Variants in SRD5A2 observed in about 807,000 individuals in gnomAD.
SRD5A2 encodes steroid 5 alpha-reductase 2, also known as 3-oxo-5-alpha-steroid 4-dehydrogenase 2.
In SRD5A2, 30 loss-of-function variants were observed where a neutral mutation model predicts 27.4. The observed-to-expected ratio is 1.10, with a 90% confidence interval of 0.82 to 1.49. SRD5A2 has a LOEUF of 1.49. SRD5A2 is among the 40% of genes most tolerant of loss of function. The pLI, the probability that SRD5A2 is intolerant of heterozygous loss-of-function variation, is 0.00. For missense variants in SRD5A2, 348 were observed against 323.4 expected (o/e 1.08, Z -0.58); for synonymous variants, 141 against 133.6 (o/e 1.06, Z -0.38).
chr2:31,598,250 G>A, the SRD5A2 span, among the ~76,000 whole-genome samples: 1 of 152,036 alleles, frequency 6.6e-6, no homozygotes, highest in Admixed American at 6.6e-5. Flanking sequence ...TAAGCTATAA[G>A]AATGCAAAGG....
upstream of SRD5A2, among the ~76,000 whole-genome samples, chr2:31,582,356 T>C (rs1361443244): frequency 6.6e-6 from 1 of 152,232 alleles, no homozygotes; most frequent in East Asian, 1.9e-4. Context: ...ACATGGTATA[T>C]GGTGATGCTT....
chr2:31,582,370 C>T (rs1667098369), upstream of SRD5A2, among the ~76,000 whole-genome samples: 1 of 152,174 alleles, frequency 6.6e-6, no homozygotes, highest in Non-Finnish European at 1.5e-5. Context: ...GATGCTTTAG[C>T]ACTACAGGGC....
intron 1 of SRD5A2, among the ~76,000 whole-genome samples, chr2:31,562,344 G>A (rs1666642027): frequency 6.6e-6 from 1 of 151,950 alleles, no homozygotes; most frequent in Admixed American, 6.6e-5. Context: ...GGGTAAAATG[G>A]GGTATCCACC....
the SRD5A2 span, among the ~76,000 whole-genome samples, chr2:31,652,519 A>T: frequency 6.6e-6 from 1 of 152,196 alleles, no homozygotes; most frequent in Non-Finnish European, 1.5e-5. Context: ...TATCAGAAAG[A>T]TGAGGAGGGA....
the SRD5A2 span, among the ~76,000 whole-genome samples, chr2:31,632,090 C>T: frequency 2.0e-5 from 3 of 151,998 alleles, no homozygotes; most frequent in African/African-American, 7.3e-5. Context: ...AAGTTTATCA[C>T]TCAGTCAGCT....
chr2:31,633,601 C>T, the SRD5A2 span, among the ~76,000 whole-genome samples: 8 of 152,150 alleles, frequency 5.3e-5, no homozygotes, highest in Admixed American at 2.0e-4. Context: ...TTCCATACTC[C>T]GATGTTGATG....
chr2:31,641,573 T>C, the SRD5A2 span, among the ~76,000 whole-genome samples: 1 of 152,144 alleles, frequency 6.6e-6, no homozygotes, highest in East Asian at 1.9e-4. Context: ...TTCAACAATA[T>C]ATTAACAAAT....
chr2:31,531,600 G>A (rs968908115), intron 2 of SRD5A2, 128 bp from the exon 3 acceptor site: 18 of 496,698 alleles, frequency 3.6e-5, no homozygotes, highest in African/African-American at 1.3e-4. Flanking sequence ...GTCCTAAGAC[G>A]TGGCAGAAAG....
rs1470790218 is a variant in SRD5A2, at chr2:31,523,187, A to G, written c.*3009T>C. On this transcript the variant is annotated 3_prime_UTR_variant, in exon 5 of 5. Coordinates refer to ENST00000622030, the MANE Select transcript of SRD5A2 (RefSeq NM_000348.4). ...CACACATGTTGTCTTGACTACACCA[A>G]TGAGGGAAAACTCTCTATTCTGTCA... 1 of 215,086 alleles carries G rather than the reference A, an allele frequency of 4.6e-6. No homozygotes were observed. The highest frequency in any genetic ancestry group is 6.9e-5 in the East Asian group (1 of 14,550). 13.3% of individuals were successfully genotyped at this position (215,086 alleles called of 1,614,324 possible).
At chr2:31,579,874 T>G (rs1667034942) in intron 1 of SRD5A2, among the ~76,000 whole-genome samples, 1 of 152,196 alleles carries the variant, frequency 6.6e-6, no homozygotes, top group Non-Finnish European at 1.5e-5. Context: ...GAACCCGGAT[T>G]TTTTAAATCT....
intron 1 of SRD5A2, among the ~76,000 whole-genome samples, chr2:31,574,653 AC>A (rs574751402): frequency 4.4e-4 from 67 of 152,366 alleles, no homozygotes; most frequent in African/African-American, 1.6e-3. Flanking sequence ...AAAACTTAGA[AC>A]CCAAGAATTC....
At chr2:31,599,174 T>C in the SRD5A2 span, among the ~76,000 whole-genome samples, 1 of 151,926 alleles carries the variant, frequency 6.6e-6, no homozygotes, top group Non-Finnish European at 1.5e-5. Context: ...AAGAAAATAC[T>C]AGAGCAAAAG....
chr2:31,631,811 C>T, the SRD5A2 span, among the ~76,000 whole-genome samples: 1 of 152,188 alleles, frequency 6.6e-6, no homozygotes, highest in African/African-American at 2.4e-5. Context: ...GAACAACTCC[C>T]CACAGGCCAG....
intron 1 of SRD5A2, among the ~76,000 whole-genome samples, chr2:31,579,984 G>A (rs1558377701): frequency 6.6e-6 from 1 of 152,164 alleles, no homozygotes; most frequent in African/African-American, 2.4e-5. Flanking sequence ...CTTTTGGGAG[G>A]GGCCTAAGAA....
chr2:31,593,195 G>A, the SRD5A2 span, among the ~76,000 whole-genome samples: 1 of 151,814 alleles, frequency 6.6e-6, no homozygotes, highest in Non-Finnish European at 1.5e-5. Context: ...CACCAGCATG[G>A]CACATGTATA....
intron 4 of SRD5A2, among the ~76,000 whole-genome samples, chr2:31,528,318 G>T (rs980419018): frequency 1.3e-5 from 2 of 152,208 alleles, no homozygotes; most frequent in Non-Finnish European, 2.9e-5. Flanking sequence ...ATAAACCCTG[G>T]CATTGCAGAG....
At chr2:31,539,850 G>A (rs974239774) in intron 1 of SRD5A2, among the ~76,000 whole-genome samples, 18 of 152,100 alleles carry the variant, frequency 1.2e-4, no homozygotes, top group Non-Finnish European at 2.2e-4. Context: ...AAACCCCACC[G>A]CCACACAAAA....
At chr2:31,595,953 T>A in the SRD5A2 span, among the ~76,000 whole-genome samples, 3 of 152,130 alleles carry the variant, frequency 2.0e-5, no homozygotes, top group Admixed American at 2.0e-4. Flanking sequence ...TAAACAAAAA[T>A]CATATTATCA....
the SRD5A2 span, among the ~76,000 whole-genome samples, chr2:31,588,665 G>T: frequency 6.6e-6 from 1 of 152,142 alleles, no homozygotes; most frequent in African/African-American, 2.4e-5. Flanking sequence ...TTAATGAGCA[G>T]TAAGTAATCA....
Sources: allele counts gnomAD v4.1 joint callset (sites outside exome capture counted in the v4.1 genomes callset), GRCh38; gene constraint gnomAD v4.1.1; transcripts MANE v1.5; gene names NCBI Gene and HGNC (gene_info 2026-07-23, HGNC 2026-07-21).